Variants in CPN2 observed in about 807,000 individuals in gnomAD.
CPN2 encodes the protein carboxypeptidase N 83 kDa chain.
For missense variants in CPN2, 620 were observed against 671.4 expected (o/e 0.92, Z 0.85); for synonymous variants, 336 against 318.4 (o/e 1.06, Z -0.59).
Position 194,341,180 on chromosome 3 carries a change from G to A in CPN2, c.1523C>T (p.Pro508Leu), listed in dbSNP as rs1421870165. ...QCRWLNVQLS[P>L]QQGSLGLQYN... ...CTGCAGTCCCAGGGAGCCCTGCTGA[G>A]GAGAGAGCTGGACGTTCAGCCAGCG... Residue 508 changes from proline (P) to leucine (L), a missense_variant, in exon 2 of 2, where the codon CCT (proline) becomes CTT (leucine). Transcript: ENST00000323830. 3 of 1,613,342 alleles carry A rather than the reference G, an allele frequency of 1.9e-6. No individual in the cohort carries two copies. Among genetic ancestry groups the A allele is most frequent in the Non-Finnish European group, 2.5e-6 (3 of 1,179,992 alleles).
Position 194,342,215 on chromosome 3 carries a change from CT to C in CPN2, c.487del (p.Arg163GlyfsTer6), listed in dbSNP as rs776547219. The C allele has an allele frequency of 6.2e-7, 1 of 1,614,014 alleles. No homozygotes were observed. On this transcript the variant is annotated frameshift_variant, in exon 2 of 2. Coordinates refer to ENST00000323830, the MANE Select transcript of CPN2 (RefSeq NM_001080513.4). LOFTEE classifies it low-confidence loss of function (END_TRUNC). ...CAGATGGGTCAGAGGCTGGAAGAGC[CT>C]CCTGGGCAGGGCCTGGAGCTGGTTC... is the stretch of plus-strand genomic sequence containing the variant. ...QGNQLQALPR[R>X]LFQPLTHLKT... is the part of the protein sequence containing the mutation.
intron 1 of CPN2, among the ~76,000 whole-genome samples, chr3:194,343,658 T>G (rs567459232): frequency 1.4e-4 from 22 of 152,376 alleles, no homozygotes; most frequent in Non-Finnish European, 2.8e-4. Context: ...TGAGGTCCAT[T>G]GCTTTCTAGC....
intron 1 of CPN2, among the ~76,000 whole-genome samples, chr3:194,348,992 AGTCTC>A: frequency 6.6e-6 from 1 of 152,234 alleles, no homozygotes. Context: ...AAATATATGA[AGTCTC>A]AGAATGCTGC....
intron 1 of CPN2, among the ~76,000 whole-genome samples, chr3:194,347,394 C>T (rs984177042): frequency 1.3e-5 from 2 of 152,050 alleles, no homozygotes; most frequent in African/African-American, 4.8e-5. Context: ...CCCAGACACC[C>T]AGGGACTGCC....
chr3:194,350,289 G>A (rs1713221751), intron 1 of CPN2, among the ~76,000 whole-genome samples: 1 of 132,256 alleles, frequency 7.6e-6, no homozygotes, highest in Non-Finnish European at 1.6e-5. Context: ...GTCAGGCCCT[G>A]TGTGCTGAAT....
chr3:194,342,746 A>G, intron 1 of CPN2, 41 bp from the exon 2 acceptor site: 1 of 864,864 alleles, frequency 1.2e-6, no homozygotes, highest in Non-Finnish European at 1.9e-6. Context: ...GAGAAACTTG[A>G]TCATCACACA....
rs1197199921 is a variant in CPN2, at chr3:194,341,783, C to A, written c.920G>T (p.Gly307Val). ...THNQLETVAE[G>V]TFAHLSNLRS... ...CAGGTTGGACAGGTGGGCAAAGGTG[C>A]CCTCAGCGACAGTCTCCAGCTGGTT... is the stretch of plus-strand genomic sequence containing the variant. Residue 307 changes from glycine to valine, a missense_variant, in exon 2 of 2, where the codon GGC becomes GTC. By Grantham distance (109) the Gly-to-Val change is moderately radical (BLOSUM62 -3). Transcript: ENST00000323830. 4 of 1,613,998 alleles carry A rather than the reference C, an allele frequency of 2.5e-6. No homozygotes were observed. The Admixed American group carries it at 6.7e-5, about 27-fold the overall frequency.
rs931216829 is a variant in CPN2 at position 194,339,970 on chromosome 3, G to A, written c.*1095C>T. On this transcript the variant is annotated 3_prime_UTR_variant, in exon 2 of 2. Coordinates refer to ENST00000323830, the MANE Select transcript of CPN2 (RefSeq NM_001080513.4). The stretch of plus-strand genomic sequence containing the variant: ...GAAAGGCAGGACAACTCGAAGCAGC[G>A]GGGGTGGGTGCTTCCAGGCTGTAGG... 4 of 152,200 alleles carry A rather than the reference G, an allele frequency of 2.6e-5. No homozygotes were observed. Among genetic ancestry groups the A allele is most frequent in the Non-Finnish European group, 2.9e-5 (2 of 68,048 alleles). The allele number at this position is 152,200 out of a possible 1,614,324, so 9.4% of individuals were successfully genotyped here.
intron 1 of CPN2, among the ~76,000 whole-genome samples, chr3:194,344,774 C>A (rs1576990363): frequency 6.6e-6 from 1 of 152,316 alleles, no homozygotes; most frequent in African/African-American, 2.4e-5. Context: ...AGGAAAATGT[C>A]CCTGCCACTT....
chr3:194,342,689 G>C lies in CPN2; in HGVS notation c.14C>G (p.Ala5Gly), dbSNP rs148539182. 1.9e-5 allele frequency: 27 copies of C among 1,420,642 alleles called. No individual in the cohort carries two copies. The African/African-American group carries it at 3.0e-4, about 16-fold the overall frequency. 88.0% of individuals were successfully genotyped at this position (1,420,642 alleles called of 1,614,324 possible). MLPG[A>G]WLLWTSLLLL... ...CAGGAGGGAGGTCCAGAGCAGCCAG[G>C]CTCCAGGGAGCATCTTCTAGATTCG... Residue 5 changes from alanine to glycine, a missense_variant, in exon 2 of 2, where the codon GCC becomes GGC. Transcript: ENST00000323830.
chr3:194,346,529 T>A (rs1713052651), intron 1 of CPN2, among the ~76,000 whole-genome samples: 1 of 152,158 alleles, frequency 6.6e-6, no homozygotes, highest in African/African-American at 2.4e-5. Flanking sequence ...CATCCTCACC[T>A]CACTCGGGAG....
chr3:194,343,665 T>C lies in CPN2; in HGVS notation c.-3-960A>G, dbSNP rs188004984. Among the ~76,000 whole-genome samples, 252 of 152,366 alleles carry C rather than the reference T, an allele frequency of 1.7e-3. 2 individuals are homozygous for C. The highest frequency in any genetic ancestry group is 3.4e-3 in the Middle Eastern group (1 of 294). On this transcript the variant is annotated intron_variant, in intron 1 of 1. Transcript: ENST00000323830. Reference sequence around the variant, plus strand: ...TTCAAATCTGAGGTCCATTGCTTTCTAGCTACGTGACCTTGGGCTTATTGC... The same window carrying C: ...TTCAAATCTGAGGTCCATTGCTTTCCAGCTACGTGACCTTGGGCTTATTGC...
rs1340764951 is a variant in CPN2, at chr3:194,341,038, C to T, written c.*27G>A. 4 of 1,560,386 alleles carry T rather than the reference C, an allele frequency of 2.6e-6. No individual in the cohort carries two copies. In the South Asian group the frequency reaches 3.6e-5, roughly 14 times the overall value. On this transcript the variant is annotated 3_prime_UTR_variant, in exon 2 of 2. Transcript: ENST00000323830. ...CGCCTGGTCAGGCCCCAGAGGCCCC[C>T]TTCCCCAGCTCCTGTATGCGCTGCT...
intron 1 of CPN2, among the ~76,000 whole-genome samples, chr3:194,349,775 C>CTCCTTT: frequency 1.2e-5 from 1 of 83,782 alleles, no homozygotes; most frequent in South Asian, 3.8e-4. Flanking sequence ...TGACTACCCT[C>CTCCTTT]TTCTTTTTTT....
intron 1 of CPN2, among the ~76,000 whole-genome samples, chr3:194,343,453 G>A (rs578066206): frequency 9.8e-5 from 15 of 152,310 alleles, no homozygotes; most frequent in African/African-American, 3.4e-4. Flanking sequence ...GTAAAAATTG[G>A]AAAACGTCAC....
intron 1 of CPN2, among the ~76,000 whole-genome samples, chr3:194,350,079 G>T (rs914435493): frequency 2.1e-4 from 32 of 152,290 alleles, no homozygotes; most frequent in African/African-American, 6.0e-4. Context: ...TGGGATTACA[G>T]GCGTGAGCCA....
At chr3:194,344,430 C>T (rs1712977341) in intron 1 of CPN2, among the ~76,000 whole-genome samples, 1 of 152,248 alleles carries the variant, frequency 6.6e-6, no homozygotes, top group Admixed American at 6.5e-5. Context: ...GGCGCAGTGG[C>T]TCACGCCTGT....
In CPN2 at chr3:194,342,250, G is replaced by A. The variant is rs370004005; in HGVS notation, c.453C>T (p.His151=). ...GGGCCTGGAGCTGGTTCCCCTGCAGGTGGAGGGACTCCAGGGCAGCCAGGT... is the reference window on the plus strand; with the variant it reads ...GGGCCTGGAGCTGGTTCCCCTGCAGATGGAGGGACTCCAGGGCAGCCAGGT... The part of the protein sequence containing the change: ...FQHLAALESL[H]LQGNQLQALP... The change falls in exon 2 of 2, where the codon CAC becomes CAT. Residue 151 remains histidine (H), a synonymous_variant. Coordinates refer to ENST00000323830, the MANE Select transcript of CPN2 (RefSeq NM_001080513.4). 4 of 1,613,882 alleles carry A rather than the reference G, an allele frequency of 2.5e-6. No homozygotes were observed. The highest frequency in any genetic ancestry group is 1.6e-4 in the Middle Eastern group (1 of 6,082).
In CPN2 at chr3:194,342,477, T is replaced by C; in HGVS notation, c.226A>G (p.Thr76Ala). The change falls in exon 2 of 2, where the codon ACC becomes GCC. Residue 76 changes from threonine (T) to alanine (A), a missense_variant. Transcript: ENST00000323830. ...TGAGTGTTGAGGAAGACCACCTTGG[T>C]CAAGTTGGGGTTACTGCCAAAAGCT... The part of the protein sequence containing the change: ...TRAFGSNPNL[T>A]KVVFLNTQLC... 1 of 1,614,214 alleles carries C rather than the reference T, an allele frequency of 6.2e-7. No homozygotes were observed. Among genetic ancestry groups the C allele is most frequent in the Non-Finnish European group, 8.5e-7 (1 of 1,180,042 alleles).
Sources: gnomAD v4.1 joint callset for allele counts (sites outside exome capture counted in the v4.1 genomes callset) on GRCh38, gnomAD v4.1.1 for gene constraint, MANE v1.5 for transcripts, NCBI Gene and HGNC (gene_info 2026-07-23, HGNC 2026-07-21) for gene names.